The following TBPL2 variants were observed in gnomAD, a reference collection of about 807,000 sequenced individuals.
TBPL2 encodes the protein TATA box-binding protein-like 2.
In TBPL2, 40 loss-of-function variants were observed where a neutral mutation model predicts 38.2. The ratio of observed to expected loss-of-function variants is 1.05; its 90% CI spans 0.81 to 1.36. TBPL2 has a LOEUF of 1.36. Among genes scored for constraint, TBPL2 ranks in the 40% most tolerant of loss-of-function variants. The probability of loss-of-function intolerance (pLI) is 0.00; values close to 1 mark genes in which losing one functional copy is unlikely to be tolerated. For missense variants in TBPL2, 461 were observed against 456.7 expected, an observed-to-expected ratio of 1.01 and a Z score of -0.09; for synonymous variants, 169 against 171.7, an observed-to-expected ratio of 0.98 and a Z score of 0.12.
At chr14:55,434,142 T>C (rs7160543) in intron 3 of TBPL2, among the ~76,000 whole-genome samples, 35,876 of 152,104 alleles carry the variant, frequency 0.24, 7,291 homozygotes, top group African/African-American at 0.56. Flanking sequence ...AAGAATCTTT[T>C]GGGAAAAAAA....
chr14:55,439,971 G>C (rs931665545), intron 1 of TBPL2, among the ~76,000 whole-genome samples: 2 of 143,164 alleles, frequency 1.4e-5, no homozygotes, highest in African/African-American at 5.1e-5. Flanking sequence ...TGTGGTGCGT[G>C]TGCCTGAAAT....
intron 3 of TBPL2, among the ~76,000 whole-genome samples, chr14:55,434,090 G>A (rs1002153026): frequency 1.3e-5 from 2 of 152,098 alleles, no homozygotes; most frequent in Non-Finnish European, 2.9e-5. Flanking sequence ...ACACTAATCA[G>A]ATTCTCTGCT....
At chr14:55,414,728 A>G (rs1005642993) in intron 6 of TBPL2, among the ~76,000 whole-genome samples, 1 of 152,112 alleles carries the variant, frequency 6.6e-6, no homozygotes, top group African/African-American at 2.4e-5. Flanking sequence ...TGTTATCTCT[A>G]CATGTGCCAT....
At chr14:55,417,453 TA>T (rs539769285) in intron 6 of TBPL2, among the ~76,000 whole-genome samples, 6,165 of 91,248 alleles carry the variant, frequency 0.068, 398 homozygotes, top group African/African-American at 0.17. Context: ...ACCCTTGCCT[TA>T]AAAAAAAAAA....
chr14:55,419,166 G>A (rs1179685901), intron 6 of TBPL2, among the ~76,000 whole-genome samples: 1 of 152,238 alleles, frequency 6.6e-6, no homozygotes, highest in Non-Finnish European at 1.5e-5. Flanking sequence ...GTGGGACAGG[G>A]TGAGCCCAGT....
intron 1 of TBPL2, among the ~76,000 whole-genome samples, chr14:55,438,075 A>G (rs1269284983): frequency 6.6e-6 from 1 of 152,154 alleles, no homozygotes; most frequent in African/African-American, 2.4e-5. Flanking sequence ...ATGCATTACC[A>G]CCTGCTTCAC....
intron 6 of TBPL2, among the ~76,000 whole-genome samples, chr14:55,418,339 TAGTC>T (rs1195634833): frequency 6.6e-6 from 1 of 152,216 alleles, no homozygotes; most frequent in African/African-American, 2.4e-5. Flanking sequence ...CCCTACCCCT[TAGTC>T]AGCTCCAAAT....
At chr14:55,434,234 C>T (rs567536367) in intron 3 of TBPL2, among the ~76,000 whole-genome samples, 1 of 152,256 alleles carries the variant, frequency 6.6e-6, no homozygotes, top group African/African-American at 2.4e-5. Flanking sequence ...GATAGGCATG[C>T]TAAAGATGAA....
intron 6 of TBPL2, among the ~76,000 whole-genome samples, chr14:55,418,443 GTGTGTA>G (rs1885698562): frequency 6.6e-6 from 1 of 152,192 alleles, no homozygotes; most frequent in Admixed American, 6.5e-5. Flanking sequence ...CCACAGTCGT[GTGTGTA>G]TAAGTCAAAA....
At chr14:55,429,552 A>G (rs753329305) in intron 4 of TBPL2, among the ~76,000 whole-genome samples, 133 of 152,268 alleles carry the variant, frequency 8.7e-4, no homozygotes, top group Middle Eastern at 3.4e-3. Flanking sequence ...TCACCTGAGG[A>G]CAGTAGCTCG....
intron 2 of TBPL2, 39 bp from the exon 3 acceptor site, chr14:55,435,973 TAA>T (rs750101770): frequency 3.5e-6 from 4 of 1,133,848 alleles, no homozygotes; most frequent in Non-Finnish European, 4.9e-6. Context: ...ATATCAGATA[TAA>T]AGAGTAAAAA....
rs548194261 is a variant in TBPL2 at position 55,436,670 on chromosome 14, G to A, written c.499C>T (p.Gln167Ter). The A allele has an allele frequency of 6.2e-7, 1 of 1,614,184 alleles. No individual in the cohort carries two copies. The highest frequency in any genetic ancestry group is 1.3e-5 in the African/African-American group (1 of 75,050). Residue 167 changes from glutamine (Q) to a stop codon, truncating the protein, a stop_gained, in exon 2 of 7, where the codon CAG (glutamine) becomes TAG (stop). Coordinates refer to ENST00000247219, the Ensembl canonical transcript of TBPL2. LOFTEE classifies it high-confidence loss of function. The stretch of plus-strand genomic sequence containing the variant: ...GAGTTTGGTTTCTCAGGAGAGGGCT[G>A]GACTGAGTCAGTATCACCAGGGTGC...
chr14:55,437,767 G>A (rs922535928), intron 1 of TBPL2, among the ~76,000 whole-genome samples: 4 of 152,302 alleles, frequency 2.6e-5, no homozygotes. Flanking sequence ...AATAAATGAA[G>A]GAAGTTTAAG....
At chr14:55,426,713 T>TA (rs112962777) in intron 5 of TBPL2, among the ~76,000 whole-genome samples, 145 of 145,826 alleles carry the variant, frequency 9.9e-4, no homozygotes, top group African/African-American at 1.6e-3. Context: ...CTGGCCAGAT[T>TA]AAAAAAAAAA....
intron 6 of TBPL2, among the ~76,000 whole-genome samples, chr14:55,414,965 T>G (rs1417852605): frequency 2.0e-5 from 3 of 152,224 alleles, no homozygotes; most frequent in Non-Finnish European, 4.4e-5. Context: ...AGGGGAAAAC[T>G]GTACTACTGT....
At chr14:55,427,495 C>T (rs142281058) in intron 5 of TBPL2, among the ~76,000 whole-genome samples, 4 of 152,238 alleles carry the variant, frequency 2.6e-5, no homozygotes, top group African/African-American at 4.8e-5. Context: ...ACTCTATTGA[C>T]GGGATAATCA....
chr14:55,423,241 G>C (rs867699642), intron 6 of TBPL2, among the ~76,000 whole-genome samples: 7 of 152,206 alleles, frequency 4.6e-5, no homozygotes. Context: ...GTACCATTTT[G>C]TTTGGAATGC....
Position 55,429,289 on chromosome 14 carries a change from C to G in TBPL2, c.789-315G>C, listed in dbSNP as rs564615852. On this transcript the variant is annotated intron_variant, in intron 4 of 6. Coordinates refer to ENST00000247219, the Ensembl canonical transcript of TBPL2. ...TTCCAAGGATTCGCAAAGTGTGTCC[C>G]CAGACCAGCAGCTTCACCTGGGAAC... Among the ~76,000 whole-genome samples, 5 of 152,314 alleles carry G rather than the reference C, an allele frequency of 3.3e-5. No homozygotes were observed. In the South Asian group the frequency reaches 1.0e-3, roughly 32 times the overall value.
At chr14:55,427,921 C>G (rs1180116658) in intron 5 of TBPL2, among the ~76,000 whole-genome samples, 1 of 147,824 alleles carries the variant, frequency 6.8e-6, no homozygotes, top group Admixed American at 6.7e-5. Flanking sequence ...GGCTGTGGCC[C>G]GGGCTGGAGT....
Sources: allele counts gnomAD v4.1 joint callset (sites outside exome capture counted in the v4.1 genomes callset), GRCh38; gene constraint gnomAD v4.1.1; transcripts MANE v1.5; gene names NCBI Gene and HGNC (gene_info 2026-07-23, HGNC 2026-07-21).